SLCO1B3: variants seen among roughly 807,000 people sequenced by gnomAD.
SLCO1B3 encodes solute carrier organic anion transporter family member 1B3.
SLCO1B3 carries 72 observed loss-of-function variants against 71.8 expected under a neutral mutation model. The ratio of observed to expected loss-of-function variants is 1.00; its 90% CI spans 0.83 to 1.22. SLCO1B3 has a LOEUF of 1.22. SLCO1B3 is among the 50% of genes most tolerant of loss of function. SLCO1B3 has a pLI of 0.00. For missense variants in SLCO1B3, 911 were observed against 819.7 expected (o/e 1.11, Z -1.36); for synonymous variants, 298 against 278.4 (o/e 1.07, Z -0.70).
At chr12:20,896,770 T>G (rs1030826750) in intron 13 of SLCO1B3, among the ~76,000 whole-genome samples, 1 of 152,180 alleles carries the variant, frequency 6.6e-6, no homozygotes, top group Non-Finnish European at 1.5e-5. Context: ...TTTACTGTAT[T>G]AGTTTGTTTT....
At chr12:20,857,578 C>G (rs765907764) in intron 4 of SLCO1B3, among the ~76,000 whole-genome samples, 63 of 151,956 alleles carry the variant, frequency 4.1e-4, no homozygotes, top group Middle Eastern at 3.4e-3. Context: ...TATTTTTAGT[C>G]TGCCAGTTCT....
chr12:20,887,084 A>G (rs1865805709), intron 13 of SLCO1B3, among the ~76,000 whole-genome samples: 1 of 152,116 alleles, frequency 6.6e-6, no homozygotes, highest in African/African-American at 2.4e-5. Context: ...TCCATAGTGT[A>G]TACATATATA....
At chr12:20,833,994 CTA>C (rs200493943) in intron 3 of SLCO1B3, among the ~76,000 whole-genome samples, 1,889 of 144,602 alleles carry the variant, frequency 0.013, 47 homozygotes, top group African/African-American at 0.044. Flanking sequence ...ACATATATGT[CTA>C]TGTGTGGATA....
At chr12:20,855,877 C>G (rs1865124620) in intron 4 of SLCO1B3, among the ~76,000 whole-genome samples, 1 of 151,524 alleles carries the variant, frequency 6.6e-6, no homozygotes, top group Non-Finnish European at 1.5e-5. Context: ...TTTTTCTTTT[C>G]ACTTTCTAAT....
At chr12:20,881,144 A>G (rs1409191183) in intron 12 of SLCO1B3, 124 bp downstream of exon 12, 2 of 675,104 alleles carry the variant, frequency 3.0e-6, no homozygotes, top group Admixed American at 3.1e-5. Context: ...AAAAGATTCC[A>G]GTATTATCTG....
intron 3 of SLCO1B3, among the ~76,000 whole-genome samples, chr12:20,833,270 A>G (rs914397191): frequency 2.6e-5 from 4 of 152,050 alleles, no homozygotes; most frequent in Admixed American, 2.0e-4. Context: ...TGCAATTTTA[A>G]TATCTCCTTG....
At chr12:20,887,939 A>G (rs1478520516) in intron 13 of SLCO1B3, among the ~76,000 whole-genome samples, 1 of 151,878 alleles carries the variant, frequency 6.6e-6, no homozygotes, top group Non-Finnish European at 1.5e-5. Context: ...ATGTCTGTGT[A>G]TATGGCTCTC....
chr12:20,844,125 T>C (rs1864858550), intron 3 of SLCO1B3, among the ~76,000 whole-genome samples: 1 of 152,032 alleles, frequency 6.6e-6, no homozygotes, highest in South Asian at 2.1e-4. Flanking sequence ...ATATATAGTA[T>C]ATAAGTTGTG....
intron 3 of SLCO1B3, among the ~76,000 whole-genome samples, chr12:20,825,139 T>A (rs1281687051): frequency 1.3e-5 from 2 of 152,106 alleles, no homozygotes. Flanking sequence ...AAATAACCTT[T>A]TAATGTTTTT....
intron 13 of SLCO1B3, 40 bp downstream of exon 13, chr12:20,883,642 C>G (rs542842345): frequency 4.7e-6 from 6 of 1,277,392 alleles, no homozygotes; most frequent in Non-Finnish European, 6.5e-6. Context: ...GTATATTAGA[C>G]TAAAACACAC....
intron 3 of SLCO1B3, among the ~76,000 whole-genome samples, chr12:20,816,531 T>A (rs1240645890): frequency 6.6e-6 from 1 of 152,216 alleles, no homozygotes; most frequent in Non-Finnish European, 1.5e-5. Flanking sequence ...TGACTAGATT[T>A]CATTCTTTCT....
chr12:20,915,980 ACTCT>A lies in SLCO1B3; in HGVS notation c.1866-21_1866-18del, dbSNP rs745348780. ...TTTTACACATTTAAAATAATAATCG[ACTCT>A]CTATTTTCTCTTTTCACAGAAGGGT... On this transcript the variant is annotated intron_variant, in intron 15 of 15. Transcript: ENST00000381545. 54 of 1,544,928 alleles carry A rather than the reference ACTCT, an allele frequency of 3.5e-5. No homozygotes were observed. Among genetic ancestry groups the A allele is most frequent in the Middle Eastern group, 1.9e-4 (1 of 5,232 alleles).
rs918675595 is a variant in SLCO1B3 at position 20,820,368 on chromosome 12, A to G, written c.84+4546A>G. Among the ~76,000 whole-genome samples, 5 of 152,224 alleles carry G rather than the reference A, an allele frequency of 3.3e-5. No homozygotes were observed. The East Asian group carries it at 5.8e-4, about 18-fold the overall frequency. On this transcript the variant is annotated intron_variant, in intron 3 of 15. Transcript: ENST00000381545. ...GCTGCCAGGTGAGTTGAACAGTCCG[A>G]TTTCCACTGGGGTCCCACACAGATG...
At chr12:20,864,156 C>T (rs922605893) in intron 8 of SLCO1B3, among the ~76,000 whole-genome samples, 1 of 151,974 alleles carries the variant, frequency 6.6e-6, no homozygotes, top group Non-Finnish European at 1.5e-5. Flanking sequence ...TTTTATGGTT[C>T]TCAAAGTCTC....
chr12:20,815,944 A>C, intron 3 of SLCO1B3, 122 bp downstream of exon 3: 1 of 499,148 alleles, frequency 2.0e-6, no homozygotes, highest in Non-Finnish European at 3.5e-6. Context: ...ATTGAAGCGT[A>C]CATTAAAATA....
chr12:20,866,392 A>G (rs1865373703), intron 8 of SLCO1B3, among the ~76,000 whole-genome samples: 1 of 152,174 alleles, frequency 6.6e-6, no homozygotes, highest in East Asian at 1.9e-4. Flanking sequence ...AGCTTTTTAT[A>G]TCATATTGAA....
At chr12:20,828,650 C>CAT (rs1864477931) in intron 3 of SLCO1B3, among the ~76,000 whole-genome samples, 1 of 151,902 alleles carries the variant, frequency 6.6e-6, no homozygotes, top group South Asian at 2.1e-4. Context: ...CACACATACA[C>CAT]ACACACACAC....
chr12:20,823,099 A>G (rs1864350582), intron 3 of SLCO1B3, among the ~76,000 whole-genome samples: 1 of 152,182 alleles, frequency 6.6e-6, no homozygotes, highest in Admixed American at 6.5e-5. Flanking sequence ...GAAGAGAGAC[A>G]AACACACAGT....
In SLCO1B3 at chr12:20,877,861, G is replaced by C. The variant is rs1321783501; in HGVS notation, c.1060G>C (p.Gly354Arg). Residue 354 changes from glycine (G) to arginine (R), a missense_variant, in exon 10 of 16, where the codon GGT becomes CGT. Gly to Arg is a moderately radical substitution (Grantham distance 125, BLOSUM62 -2). Transcript: ENST00000381545. Reference protein sequence around the residue: ...LTLLQVSSFIGSFTYVFKYME... With the variant: ...LTLLQVSSFIRSFTYVFKYME... ...ATTGTTACAAGTAAGCAGCTTTATT[G>C]GTTCTTTTACTTACGTCTTTAAATA... 6.3e-7 allele frequency: 1 copy of C among 1,590,188 alleles called. No homozygotes were observed. The highest frequency in any genetic ancestry group is 8.6e-7 in the Non-Finnish European group (1 of 1,169,082).
Sources: gnomAD v4.1 joint callset for allele counts (sites outside exome capture counted in the v4.1 genomes callset) on GRCh38, gnomAD v4.1.1 for gene constraint, MANE v1.5 for transcripts, NCBI Gene and HGNC (gene_info 2026-07-23, HGNC 2026-07-21) for gene names.